MSL2: variants seen among roughly 807,000 people sequenced by gnomAD.
MSL2 encodes the protein E3 ubiquitin-protein ligase MSL2.
A neutral mutation model predicts 35.8 loss-of-function variants in MSL2; 2 were observed. The ratio of observed to expected loss-of-function variants is 0.06; its 90% CI spans 0.02 to 0.18. MSL2 has a LOEUF of 0.18. Ranked by LOEUF, MSL2 falls within the 10% of genes least tolerant of loss-of-function variation. The pLI is 1.00. For synonymous variants in MSL2, 296 were observed against 255.7 expected, an observed-to-expected ratio of 1.16 and a Z score of -1.50; for missense variants, 523 against 706.7, an observed-to-expected ratio of 0.74 and a Z score of 2.95.
At chr3:136,176,544 C>T (rs916494320) in intron 1 of MSL2, among the ~76,000 whole-genome samples, 2 of 142,874 alleles carry the variant, frequency 1.4e-5, no homozygotes, top group South Asian at 2.2e-4. Flanking sequence ...AAAAACTTTT[C>T]GGCTGGGCAC....
intron 1 of MSL2, among the ~76,000 whole-genome samples, chr3:136,189,135 A>ACAAC (rs1553768115): frequency 8.2e-6 from 1 of 121,650 alleles, no homozygotes; most frequent in African/African-American, 4.0e-5. Context: ...AAAAAAAAAA[A>ACAAC]ACACACACAC....
At chr3:136,161,361 C>T (rs1939703362) in intron 1 of MSL2, among the ~76,000 whole-genome samples, 1 of 152,158 alleles carries the variant, frequency 6.6e-6, no homozygotes, top group Non-Finnish European at 1.5e-5. Context: ...AATTCTACTC[C>T]TAGGAACCTA....
Position 136,150,466 on chromosome 3 carries a change from G to A in MSL2, c.*681C>T, listed in dbSNP as rs1939324057. On this transcript the variant is annotated 3_prime_UTR_variant, in exon 2 of 2. Coordinates refer to ENST00000309993, the MANE Select transcript of MSL2 (RefSeq NM_018133.4). ...ATCCAATTAGAACACTGCTCAAAGT[G>A]AAGGAGGGATTTAGAATTTCTTCCC... 6.6e-6 allele frequency: 1 copy of A among 152,648 alleles called. No individual in the cohort carries two copies. The highest frequency in any genetic ancestry group is 1.5e-5 in the Non-Finnish European group (1 of 68,062). 9.5% of individuals were successfully genotyped at this position (152,648 alleles called of 1,614,324 possible).
At chr3:136,186,481 T>C (rs923466710) in intron 1 of MSL2, among the ~76,000 whole-genome samples, 3 of 152,208 alleles carry the variant, frequency 2.0e-5, no homozygotes, top group Non-Finnish European at 2.9e-5. Context: ...GGAAGTGAAC[T>C]GGGTCCAGCA....
At chr3:136,152,783 T>C in intron 1 of MSL2, 45 bp from the exon 2 acceptor site, 1 of 1,581,118 alleles carries the variant, frequency 6.3e-7, no homozygotes, top group Non-Finnish European at 8.6e-7. Context: ...TAAAATAAAT[T>C]TACCATTTCA....
At chr3:136,157,046 AAAAT>A (rs1226123660) in intron 1 of MSL2, among the ~76,000 whole-genome samples, 3 of 152,364 alleles carry the variant, frequency 2.0e-5, no homozygotes, top group African/African-American at 4.8e-5. Context: ...GAAAATATAA[AAAAT>A]AAAAAAGCAA....
In MSL2 at chr3:136,195,656, T is replaced by C. The variant is rs997424039; in HGVS notation, c.-543A>G. 2.0e-6 allele frequency: 2 copies of C among 980,092 alleles called. No homozygotes were observed. Among genetic ancestry groups the C allele is most frequent in the Non-Finnish European group, 1.2e-6 (1 of 824,970 alleles). The allele number at this position is 980,092 out of a possible 1,614,324, so 60.7% of individuals were successfully genotyped here. On this transcript the variant is annotated 5_prime_UTR_variant, in exon 1 of 2. Coordinates refer to ENST00000309993, the MANE Select transcript of MSL2 (RefSeq NM_018133.4). ...TCGGGCAGCGGCTTCCCGGATCTAGTGCAAGACGCCGCGGCGGCGACGAAG... is the reference window on the plus strand; with the variant it reads ...TCGGGCAGCGGCTTCCCGGATCTAGCGCAAGACGCCGCGGCGGCGACGAAG...
Position 136,195,910 on chromosome 3 carries a change from C to T in MSL2, c.-797G>A, listed in dbSNP as rs1940831029. 1.3e-6 allele frequency: 1 copy of T among 766,028 alleles called. No homozygotes were observed. The highest frequency in any genetic ancestry group is 1.9e-5 in the African/African-American group (1 of 51,740). 47.5% of individuals were successfully genotyped at this position (766,028 alleles called of 1,614,324 possible). On this transcript the variant is annotated 5_prime_UTR_variant, in exon 1 of 2. Transcript: ENST00000309993. ...AGCCCGGCCGGGCCGCGGCGGCGCC[C>T]CTCGCGCCTCAGTCGCACACTCCGG...
At chr3:136,170,671 G>A (rs1940001123) in intron 1 of MSL2, among the ~76,000 whole-genome samples, 1 of 151,696 alleles carries the variant, frequency 6.6e-6, no homozygotes, top group Admixed American at 6.6e-5. Context: ...ACCATGCCCA[G>A]CTAATTTTTG....
At position 136,150,575 on chromosome 3, in the gene MSL2, A is replaced by G. The variant is rs1464524789; in HGVS notation, c.*572T>C. ...TTTCTTAAACATTCTAATGAGGGGGAATTTTTTTTCATAATACTGCTGATT... is the reference window on the plus strand; with the variant it reads ...TTTCTTAAACATTCTAATGAGGGGGGATTTTTTTTCATAATACTGCTGATT... On this transcript the variant is annotated 3_prime_UTR_variant, in exon 2 of 2. Coordinates refer to ENST00000309993, the MANE Select transcript of MSL2 (RefSeq NM_018133.4). 2 of 152,558 alleles carry G rather than the reference A, an allele frequency of 1.3e-5. No homozygotes were observed. The highest frequency in any genetic ancestry group is 2.4e-5 in the African/African-American group (1 of 41,408). 9.5% of individuals were successfully genotyped at this position (152,558 alleles called of 1,614,324 possible). A position where few individuals can be genotyped will look rare whatever the true frequency, so the allele number is the denominator to read the frequency against.
chr3:136,195,693 G>C lies in MSL2; in HGVS notation c.-580C>G, dbSNP rs1940823447. 1 of 985,454 alleles carries C rather than the reference G, an allele frequency of 1.0e-6. No individual in the cohort carries two copies. Among genetic ancestry groups the C allele is most frequent in the African/African-American group, 1.7e-5 (1 of 57,354 alleles). The allele number at this position is 985,454 out of a possible 1,614,324, so 61.0% of individuals were successfully genotyped here. On this transcript the variant is annotated 5_prime_UTR_variant, in exon 1 of 2. Coordinates refer to ENST00000309993, the MANE Select transcript of MSL2 (RefSeq NM_018133.4). Reference sequence around the variant, plus strand: ...CGGCGGCGACGAAGGTTGATGTTGCGGCTGGCGGACGCCGCCGCCGCGCTC... The same window carrying C: ...CGGCGGCGACGAAGGTTGATGTTGCCGCTGGCGGACGCCGCCGCCGCGCTC...
chr3:136,185,630 G>A (rs1940499269), intron 1 of MSL2, among the ~76,000 whole-genome samples: 1 of 151,708 alleles, frequency 6.6e-6, no homozygotes, highest in Non-Finnish European at 1.5e-5. Flanking sequence ...TTCGCCTCCT[G>A]GGTTCAAGCA....
intron 1 of MSL2, among the ~76,000 whole-genome samples, chr3:136,157,015 T>C (rs1939551211): frequency 6.6e-6 from 1 of 152,218 alleles, no homozygotes. Flanking sequence ...ACTGTATATA[T>C]GTGTATGCAC....
chr3:136,165,165 C>T (rs897848330), intron 1 of MSL2, among the ~76,000 whole-genome samples: 17 of 149,702 alleles, frequency 1.1e-4, no homozygotes, highest in Non-Finnish European at 1.8e-4. Flanking sequence ...CATGAGCCAC[C>T]GCACAAGCCC....
At chr3:136,186,292 G>A (rs750690253) in intron 1 of MSL2, among the ~76,000 whole-genome samples, 3 of 152,080 alleles carry the variant, frequency 2.0e-5, no homozygotes, top group African/African-American at 7.2e-5. Flanking sequence ...CAAGCATCTC[G>A]CTTGAATACC....
In MSL2 at chr3:136,149,640, CTGACCACA is replaced by C. The variant is rs1479853055; in HGVS notation, c.*1499_*1506del. ...ACAACAACAACAAAAACAACTCTAC[CTGACCACA>C]TTCACAGAAAATGACACCAGGATAC... is the stretch of plus-strand genomic sequence containing the variant. On this transcript the variant is annotated 3_prime_UTR_variant, in exon 2 of 2. Transcript: ENST00000309993. The C allele has an allele frequency of 6.8e-6, 1 of 147,444 alleles. No individual in the cohort carries two copies. Among genetic ancestry groups the C allele is most frequent in the Non-Finnish European group, 1.5e-5 (1 of 67,070 alleles). The allele number at this position is 147,444 out of a possible 1,614,324, so 9.1% of individuals were successfully genotyped here.
chr3:136,163,502 A>G (rs1939765133), intron 1 of MSL2, among the ~76,000 whole-genome samples: 1 of 152,216 alleles, frequency 6.6e-6, no homozygotes, highest in Non-Finnish European at 1.5e-5. Flanking sequence ...ACAAATGGCT[A>G]ATTTCAAGTT....
chr3:136,178,690 G>A (rs1940251632), intron 1 of MSL2, among the ~76,000 whole-genome samples: 1 of 151,578 alleles, frequency 6.6e-6, no homozygotes, highest in Non-Finnish European at 1.5e-5. Context: ...GCCCACCATG[G>A]CACCCAGCTA....
intron 1 of MSL2, among the ~76,000 whole-genome samples, chr3:136,160,712 TAA>T (rs879632465): frequency 7.6e-6 from 1 of 131,586 alleles, no homozygotes; most frequent in Non-Finnish European, 1.7e-5. Flanking sequence ...CCATCTCAAT[TAA>T]AAAAAAAAAA....
Sources: allele counts gnomAD v4.1 joint callset (sites outside exome capture counted in the v4.1 genomes callset), GRCh38; gene constraint gnomAD v4.1.1; transcripts MANE v1.5; gene names NCBI Gene and HGNC (gene_info 2026-07-23, HGNC 2026-07-21).